The following TNR variants were observed in gnomAD, a reference collection of about 807,000 sequenced individuals.
The protein encoded by TNR is tenascin R.
In TNR, 45 loss-of-function variants were observed where a neutral mutation model predicts 150.4. That is an observed-to-expected ratio of 0.30 (90% CI 0.24 to 0.38). The LOEUF (loss-of-function observed/expected upper bound fraction) is 0.38. Among genes scored for constraint, TNR ranks in the 10% least tolerant of loss-of-function variants. TNR has a pLI of 1.00. For missense variants in TNR, 1,544 were observed against 1,759.1 expected (o/e 0.88, Z 2.19); for synonymous variants, 687 against 678.4 (o/e 1.01, Z -0.20).
At chr1:175,531,185 G>A (rs983058) in intron 1 of TNR, among the ~76,000 whole-genome samples, 2 of 152,176 alleles carry the variant, frequency 1.3e-5, no homozygotes, top group African/African-American at 4.8e-5. Context: ...AACTGAAGTG[G>A]AGTGTGTGTG....
intron 1 of TNR, among the ~76,000 whole-genome samples, chr1:175,670,693 G>T (rs949309545): frequency 6.6e-6 from 1 of 152,136 alleles, no homozygotes; most frequent in Non-Finnish European, 1.5e-5. Context: ...ATGAATTTTT[G>T]ATGACAAATA....
chr1:175,491,481 G>A (rs555681404), intron 2 of TNR, among the ~76,000 whole-genome samples: 7 of 152,232 alleles, frequency 4.6e-5, no homozygotes, highest in African/African-American at 1.7e-4. Flanking sequence ...CTTACAGGGA[G>A]AAAGGCTGAA....
At chr1:175,352,931 C>T (rs905672955) in intron 18 of TNR, among the ~76,000 whole-genome samples, 4 of 152,254 alleles carry the variant, frequency 2.6e-5, no homozygotes, top group South Asian at 4.1e-4. Flanking sequence ...GGGACTTTCT[C>T]TCACCTCTCT....
chr1:175,473,327 A>C (rs184805599), intron 2 of TNR, among the ~76,000 whole-genome samples: 1 of 152,270 alleles, frequency 6.6e-6, no homozygotes, highest in Non-Finnish European at 1.5e-5. Flanking sequence ...GCATGCACAC[A>C]CATGCTCATC....
chr1:175,640,252 A>G (rs549257662), intron 1 of TNR, among the ~76,000 whole-genome samples: 189 of 152,322 alleles, frequency 1.2e-3, no homozygotes, highest in African/African-American at 4.4e-3. Flanking sequence ...CCAAGTCTTC[A>G]AATTTCCTTC....
intron 22 of TNR, among the ~76,000 whole-genome samples, chr1:175,323,808 C>T (rs1471503569): frequency 6.6e-6 from 1 of 152,168 alleles, no homozygotes; most frequent in Non-Finnish European, 1.5e-5. Context: ...AAGAGAATAA[C>T]TGTGTTTGAC....
intron 1 of TNR, among the ~76,000 whole-genome samples, chr1:175,655,136 T>C (rs1309213831): frequency 1.3e-5 from 2 of 152,184 alleles, no homozygotes; most frequent in Non-Finnish European, 2.9e-5. Flanking sequence ...GTGTTGCTAC[T>C]GAGGCCTTGC....
chr1:175,535,447 T>A (rs549375540), intron 1 of TNR, among the ~76,000 whole-genome samples: 3 of 148,070 alleles, frequency 2.0e-5, no homozygotes, highest in Non-Finnish European at 4.4e-5. Flanking sequence ...TTATTTATTT[T>A]TTGTTGTTGT....
At chr1:175,554,339 CAAAAAAAA>C (rs5778860) in intron 1 of TNR, among the ~76,000 whole-genome samples, 44 of 115,120 alleles carry the variant, frequency 3.8e-4, no homozygotes, top group African/African-American at 1.2e-3. Flanking sequence ...TCCTACATGG[CAAAAAAAA>C]AAAAAAAAAA....
Position 175,492,491 on chromosome 1 carries a change from G to A in TNR, c.-64+35778C>T, listed in dbSNP as rs937274467. ...GATTTGTTTCTAACAAAGGTTTTCTGAGCAGGGTAGTTTGGGAAAGATGAT... is the reference window on the plus strand; with the variant it reads ...GATTTGTTTCTAACAAAGGTTTTCTAAGCAGGGTAGTTTGGGAAAGATGAT... On this transcript the variant is annotated intron_variant, in intron 2 of 22. Coordinates refer to ENST00000367674, the MANE Select transcript of TNR (RefSeq NM_003285.3). Among the ~76,000 whole-genome samples the A allele has an allele frequency of 2.6e-5, 4 of 152,200 alleles. No homozygotes were observed. The East Asian group carries it at 7.7e-4, about 29-fold the overall frequency.
At chr1:175,700,300 C>G (rs966277179) in intron 1 of TNR, among the ~76,000 whole-genome samples, 2 of 152,104 alleles carry the variant, frequency 1.3e-5, no homozygotes, top group Non-Finnish European at 2.9e-5. Flanking sequence ...GAAGCTTGGC[C>G]CCATGGTCAA....
intron 2 of TNR, among the ~76,000 whole-genome samples, chr1:175,479,374 G>T (rs1366215543): frequency 1.3e-5 from 2 of 152,176 alleles, no homozygotes; most frequent in African/African-American, 4.8e-5. Context: ...CACCAACAAT[G>T]CGGTATTCCC....
At chr1:175,331,310 CTG>C (rs1649917997) in intron 20 of TNR, among the ~76,000 whole-genome samples, 1 of 145,512 alleles carries the variant, frequency 6.9e-6, no homozygotes, top group Non-Finnish European at 1.5e-5. Flanking sequence ...GTTGCCCAGG[CTG>C]GAGTGGAGTG....
chr1:175,562,064 T>A (rs16848627), intron 1 of TNR, among the ~76,000 whole-genome samples: 14,318 of 152,284 alleles, frequency 0.094, 726 homozygotes, highest in Middle Eastern at 0.14. Context: ...GGCTAATGAC[T>A]TAATATATTG....
chr1:175,463,510 G>A (rs1316131615), intron 2 of TNR, among the ~76,000 whole-genome samples: 1 of 152,174 alleles, frequency 6.6e-6, no homozygotes, highest in Non-Finnish European at 1.5e-5. Context: ...TCTCAGCCTA[G>A]GTGCCTCTTG....
chr1:175,331,144 TTCC>T (rs1649872839), intron 20 of TNR, among the ~76,000 whole-genome samples: 34 of 147,840 alleles, frequency 2.3e-4, no homozygotes, highest in South Asian at 6.5e-4. Flanking sequence ...TCTTTCTTTC[TTCC>T]TTTCTTTCTT....
rs577767045 is a variant in TNR, at chr1:175,407,438, G to A, written c.-63-661C>T. Among the ~76,000 whole-genome samples, 4 of 152,254 alleles carry A rather than the reference G, an allele frequency of 2.6e-5. No individual in the cohort carries two copies. In the South Asian group the frequency reaches 6.2e-4, roughly 24 times the overall value. On this transcript the variant is annotated intron_variant, in intron 2 of 22. Transcript: ENST00000367674. Reference sequence around the variant, plus strand: ...TGACCACCAGGTGCTTTTCTTCCAAGTTCCTGTTTAAATTGGTAAAATAAT... The same window carrying A: ...TGACCACCAGGTGCTTTTCTTCCAAATTCCTGTTTAAATTGGTAAAATAAT...
intron 1 of TNR, among the ~76,000 whole-genome samples, chr1:175,691,647 C>G (rs576595001): frequency 6.6e-6 from 1 of 152,248 alleles, no homozygotes; most frequent in South Asian, 2.1e-4. Context: ...CAGCCCCAAA[C>G]TTGGTTTATT....
At position 175,585,484 on chromosome 1, in the gene TNR, G is replaced by C. The variant is rs1662528443; in HGVS notation, c.-164-57115C>G. Among the ~76,000 whole-genome samples, 4 of 152,230 alleles carry C rather than the reference G, an allele frequency of 2.6e-5. No individual in the cohort carries two copies. The South Asian group carries it at 8.3e-4, about 32-fold the overall frequency. On this transcript the variant is annotated intron_variant, in intron 1 of 22. Transcript: ENST00000367674. ...AAACTACTATTATTCCCATTTTATG[G>C]ATGAGAAAGCTGAGGCATACAGATT...
Sources: gnomAD v4.1 joint callset for allele counts (sites outside exome capture counted in the v4.1 genomes callset) on GRCh38, gnomAD v4.1.1 for gene constraint, MANE v1.5 for transcripts, NCBI Gene and HGNC (gene_info 2026-07-23, HGNC 2026-07-21) for gene names.